VPS50: variants seen among roughly 807,000 people sequenced by gnomAD.
The protein encoded by VPS50 is syndetin.
Under a neutral mutation model 139.7 loss-of-function variants are expected in VPS50, and 70 were observed. That is an observed-to-expected ratio of 0.50 (90% CI 0.41 to 0.61). The LOEUF is 0.61. Ranked by LOEUF, VPS50 falls within the 20% of genes least tolerant of loss-of-function variation. VPS50 has a pLI of 0.00. For synonymous variants in VPS50, 365 were observed against 376.7 expected (o/e 0.97, Z 0.36); for missense variants, 921 against 1,133.7 (o/e 0.81, Z 2.69).
At position 93,272,723 on chromosome 7, in the gene VPS50, G is replaced by A; in HGVS notation, c.791G>A (p.Gly264Glu). 2.0e-6 allele frequency: 3 copies of A among 1,468,028 alleles called. No individual in the cohort carries two copies. The highest frequency in any genetic ancestry group is 2.8e-6 in the Non-Finnish European group (3 of 1,067,888). The allele number at this position is 1,468,028 out of a possible 1,614,324, so 90.9% of individuals were successfully genotyped here. A position where few individuals can be genotyped will look rare whatever the true frequency, so the allele number is the denominator to read the frequency against. Reference sequence around the variant, plus strand: ...GTTCAACAAGCTTATCGACTTCTTGGAAAAACACAGGTTTGTTACAAAAGG... The same window carrying A: ...GTTCAACAAGCTTATCGACTTCTTGAAAAAACACAGGTTTGTTACAAAAGG... The part of the protein sequence containing the change: ...TKVQQAYRLL[G>E]KTQTAMDQLH... The change falls in exon 11 of 28, where the codon GGA becomes GAA. Residue 264 changes from glycine to glutamate, a missense_variant. Transcript: ENST00000305866.
chr7:93,330,139 T>TA (rs991207427), intron 21 of VPS50, among the ~76,000 whole-genome samples: 1 of 152,176 alleles, frequency 6.6e-6, no homozygotes, highest in Non-Finnish European at 1.5e-5. Context: ...TGTGGGGGGT[T>TA]ATGATGTATA....
intron 9 of VPS50, among the ~76,000 whole-genome samples, chr7:93,268,457 C>A (rs1184845026): frequency 1.3e-5 from 2 of 152,078 alleles, no homozygotes; most frequent in Non-Finnish European, 2.9e-5. Context: ...CATGCATTAG[C>A]TATTTTTCCT....
At chr7:93,286,056 A>AT (rs1013331068) in intron 12 of VPS50, among the ~76,000 whole-genome samples, 9 of 152,000 alleles carry the variant, frequency 5.9e-5, no homozygotes, top group Non-Finnish European at 8.8e-5. Flanking sequence ...TTATATGCCT[A>AT]TTTTATCTTT....
chr7:93,297,318 G>T, intron 16 of VPS50, 75 bp downstream of exon 16: 1 of 1,302,814 alleles, frequency 7.7e-7, no homozygotes, highest in Non-Finnish European at 9.9e-7. Context: ...TAATCTTATA[G>T]CATTAATTGA....
chr7:93,345,266 A>T (rs1195869042), intron 23 of VPS50, among the ~76,000 whole-genome samples: 1 of 152,226 alleles, frequency 6.6e-6, no homozygotes, highest in African/African-American at 2.4e-5. Flanking sequence ...ACACTCTCCC[A>T]AGACTAAACC....
At chr7:93,304,099 A>G (rs1036763483) in intron 17 of VPS50, among the ~76,000 whole-genome samples, 40 of 151,876 alleles carry the variant, frequency 2.6e-4, no homozygotes, top group African/African-American at 8.9e-4. Flanking sequence ...CAGAATAAGC[A>G]GTCTTTGAAA....
intron 9 of VPS50, among the ~76,000 whole-genome samples, chr7:93,267,694 G>A (rs1175146184): frequency 6.6e-6 from 1 of 152,088 alleles, no homozygotes; most frequent in East Asian, 1.9e-4. Flanking sequence ...AGAGAATATG[G>A]TATTCGAATT....
chr7:93,336,448 G>T (rs1313401182), intron 22 of VPS50, among the ~76,000 whole-genome samples: 1 of 152,332 alleles, frequency 6.6e-6, no homozygotes, highest in East Asian at 1.9e-4. Context: ...ACAGCAGAAA[G>T]TTGAATTTTT....
chr7:93,288,409 T>C (rs1424219608), intron 12 of VPS50, among the ~76,000 whole-genome samples: 1 of 152,190 alleles, frequency 6.6e-6, no homozygotes, highest in Non-Finnish European at 1.5e-5. Flanking sequence ...ATTTCAGTGT[T>C]TTGCAATTAC....
intron 12 of VPS50, among the ~76,000 whole-genome samples, chr7:93,278,470 G>A (rs919616899): frequency 1.7e-4 from 26 of 150,090 alleles, no homozygotes; most frequent in Non-Finnish European, 6.0e-5. Context: ...AGTGGCGCAT[G>A]CCTGTAATCC....
intron 2 of VPS50, among the ~76,000 whole-genome samples, chr7:93,243,047 A>G (rs2116786813): frequency 6.6e-6 from 1 of 152,080 alleles, no homozygotes; most frequent in South Asian, 2.1e-4. Flanking sequence ...AAGAAACTGT[A>G]TAAACCATCT....
intron 9 of VPS50, among the ~76,000 whole-genome samples, chr7:93,267,956 C>A (rs1366527544): frequency 6.6e-6 from 1 of 152,120 alleles, no homozygotes; most frequent in Non-Finnish European, 1.5e-5. Context: ...TAGGGAGCCA[C>A]CAAAAGATTT....
intron 1 of VPS50, among the ~76,000 whole-genome samples, chr7:93,236,970 C>T (rs1462557086): frequency 1.4e-3 from 32 of 22,174 alleles, no homozygotes; most frequent in East Asian, 4.9e-3. Flanking sequence ...TTTTTTTTTT[C>T]GAGACAGTCT....
intron 23 of VPS50, among the ~76,000 whole-genome samples, chr7:93,344,294 T>C (rs948163249): frequency 6.6e-6 from 1 of 152,162 alleles, no homozygotes; most frequent in African/African-American, 2.4e-5. Context: ...CCTAAATATA[T>C]ATGCACCCCA....
chr7:93,259,006 C>T (rs2075252373), intron 8 of VPS50, among the ~76,000 whole-genome samples: 1 of 152,042 alleles, frequency 6.6e-6, no homozygotes, highest in Non-Finnish European at 1.5e-5. Context: ...TCAACTATTA[C>T]TGCTAACTAG....
intron 21 of VPS50, among the ~76,000 whole-genome samples, chr7:93,326,212 C>G (rs1241278556): frequency 6.8e-6 from 1 of 146,278 alleles, no homozygotes; most frequent in Non-Finnish European, 1.5e-5. Context: ...AAACCAAACA[C>G]TGCATATTCT....
At chr7:93,302,763 G>A (rs768250019) in intron 16 of VPS50, among the ~76,000 whole-genome samples, 19 of 152,018 alleles carry the variant, frequency 1.2e-4, no homozygotes, top group Admixed American at 3.3e-4. Context: ...AGGAAGAACA[G>A]GGTAGGCACT....
At position 93,308,922 on chromosome 7, in the gene VPS50, A is replaced by C. The variant is rs141252888; in HGVS notation, c.1728A>C (p.Thr576=). The change falls in exon 19 of 28, where the codon ACA becomes ACC. Residue 576 remains threonine, a synonymous_variant. Transcript: ENST00000305866. The stretch of plus-strand genomic sequence containing the variant: ...AACGAGACTATGTGGATGAGCAGAC[A>C]GGAGATGGTCCTGTGAAAAGGTGAT... The part of the protein sequence containing the change: ...ELKRDYVDEQ[T]GDGPVKSVSR... 2.7e-4 allele frequency: 430 copies of C among 1,578,808 alleles called. 3 individuals are homozygous for C. The African/African-American group carries it at 5.5e-3, about 20-fold the overall frequency.
Position 93,358,499 on chromosome 7 carries a change from AGTTTTTTTAT to A in VPS50, c.*65_*74del, listed in dbSNP as rs1230073617. The A allele has an allele frequency of 4.2e-6, 6 of 1,431,476 alleles. No individual in the cohort carries two copies. Among genetic ancestry groups the A allele is most frequent in the Non-Finnish European group, 5.8e-6 (6 of 1,038,138 alleles). The allele number at this position is 1,431,476 out of a possible 1,614,324, so 88.7% of individuals were successfully genotyped here. ...ACTCAACATATATGACCTGAAAGCC[AGTTTTTTTAT>A]GCACTTCTGACAACTATCTGCTAAG... On this transcript the variant is annotated 3_prime_UTR_variant, in exon 28 of 28. Coordinates refer to ENST00000305866, the MANE Select transcript of VPS50 (RefSeq NM_017667.4).
Sources: gnomAD v4.1 joint callset for allele counts (sites outside exome capture counted in the v4.1 genomes callset) on GRCh38, gnomAD v4.1.1 for gene constraint, MANE v1.5 for transcripts, NCBI Gene and HGNC (gene_info 2026-07-23, HGNC 2026-07-21) for gene names.